Variants in PITPNC1 observed in about 807,000 individuals in gnomAD.
The protein encoded by PITPNC1 is cytoplasmic phosphatidylinositol transfer protein 1.
A neutral mutation model predicts 44.7 loss-of-function variants in PITPNC1; 18 were observed. That is an observed-to-expected ratio of 0.40 (90% CI 0.28 to 0.60). PITPNC1 has a LOEUF of 0.60. PITPNC1 is among the 20% of genes least tolerant of loss of function. The pLI is 0.39. For synonymous variants in PITPNC1, 141 were observed against 149.6 expected (o/e 0.94, Z 0.42); for missense variants, 290 against 418.4 (o/e 0.69, Z 2.68).
Position 67,666,793 on chromosome 17 carries a change from A to C in PITPNC1, c.463-2715A>C, listed in dbSNP as rs1018853119. 3.3e-5 allele frequency among the ~76,000 whole-genome samples: 5 copies of C among 152,188 alleles called. No homozygotes were observed. The South Asian group carries it at 1.0e-3, about 31-fold the overall frequency. Reference sequence around the variant, plus strand: ...TTGTGGAAGTGGTCACCATAGCAAAAAGGTCCTAACAGAGGAGGCAGATCT... The same window carrying C: ...TTGTGGAAGTGGTCACCATAGCAAACAGGTCCTAACAGAGGAGGCAGATCT... On this transcript the variant is annotated intron_variant, in intron 6 of 8. Transcript: ENST00000581322.
At chr17:67,444,544 CTT>C (rs889046023) in intron 1 of PITPNC1, among the ~76,000 whole-genome samples, 1 of 152,070 alleles carries the variant, frequency 6.6e-6, no homozygotes, top group African/African-American at 2.4e-5. Context: ...AAGGAAAAAA[CTT>C]TGCCTTTGTC....
At chr17:67,654,514 G>A (rs759233609) in intron 6 of PITPNC1, among the ~76,000 whole-genome samples, 12 of 152,332 alleles carry the variant, frequency 7.9e-5, no homozygotes, top group Non-Finnish European at 1.3e-4. Context: ...GGGCATCCTT[G>A]TATCATGTGC....
chr17:67,595,280 G>C (rs1414776673), intron 5 of PITPNC1, among the ~76,000 whole-genome samples: 1 of 152,082 alleles, frequency 6.6e-6, no homozygotes, highest in Non-Finnish European at 1.5e-5. Context: ...GGCACTGGCT[G>C]GCTTCCTAAT....
chr17:67,536,290 C>T (rs1435240891), intron 2 of PITPNC1, among the ~76,000 whole-genome samples: 1 of 152,110 alleles, frequency 6.6e-6, no homozygotes, highest in African/African-American at 2.4e-5. Flanking sequence ...TTTTTTGAGA[C>T]AGCCAGCTCC....
intron 1 of PITPNC1, among the ~76,000 whole-genome samples, chr17:67,448,648 T>G (rs1474366893): frequency 1.3e-5 from 2 of 152,240 alleles, no homozygotes; most frequent in East Asian, 3.8e-4. Flanking sequence ...CAGAGTCCAG[T>G]GCTTCCAGTC....
At chr17:67,471,321 C>G (rs374046156) in intron 1 of PITPNC1, among the ~76,000 whole-genome samples, 1 of 150,686 alleles carries the variant, frequency 6.6e-6, no homozygotes, top group African/African-American at 2.4e-5. Flanking sequence ...GTAGCATTCC[C>G]CTGAATGGAT....
intron 1 of PITPNC1, among the ~76,000 whole-genome samples, chr17:67,450,185 C>T (rs2039155407): frequency 6.6e-6 from 1 of 152,142 alleles, no homozygotes; most frequent in African/African-American, 2.4e-5. Context: ...ATGAATCTTG[C>T]AGTATTTTTC....
intron 1 of PITPNC1, among the ~76,000 whole-genome samples, chr17:67,450,699 A>G (rs1040618263): frequency 6.6e-6 from 1 of 152,182 alleles, no homozygotes; most frequent in Non-Finnish European, 1.5e-5. Context: ...AGTGCTGGGA[A>G]GGTGTGAGCC....
chr17:67,516,512 A>G (rs1271158935), intron 1 of PITPNC1, among the ~76,000 whole-genome samples: 1 of 152,242 alleles, frequency 6.6e-6, no homozygotes. Flanking sequence ...GGCAGCTTTT[A>G]AGATGACTCT....
At chr17:67,455,461 C>T (rs927404002) in intron 1 of PITPNC1, among the ~76,000 whole-genome samples, 2 of 152,144 alleles carry the variant, frequency 1.3e-5, no homozygotes, top group Admixed American at 6.5e-5. Flanking sequence ...GAGACAGACT[C>T]TCGCTCTGGA....
At chr17:67,603,412 C>T (rs1392856951) in intron 5 of PITPNC1, among the ~76,000 whole-genome samples, 1 of 152,214 alleles carries the variant, frequency 6.6e-6, no homozygotes, top group Non-Finnish European at 1.5e-5. Flanking sequence ...ATGAGCCCAG[C>T]ATCTTGCCAA....
At chr17:67,624,197 TTTTC>T (rs2041867027) in intron 5 of PITPNC1, among the ~76,000 whole-genome samples, 2 of 147,352 alleles carry the variant, frequency 1.4e-5, no homozygotes, top group Non-Finnish European at 3.0e-5. Context: ...ATTATTTTCT[TTTTC>T]TTTCTTTCTT....
Position 67,693,790 on chromosome 17 carries a change from C to G in PITPNC1, c.*902C>G, listed in dbSNP as rs2042968247. 1 of 152,198 alleles carries G rather than the reference C, an allele frequency of 6.6e-6. No individual in the cohort carries two copies. The highest frequency in any genetic ancestry group is 1.5e-5 in the Non-Finnish European group (1 of 68,046). 9.4% of individuals were successfully genotyped at this position (152,198 alleles called of 1,614,324 possible). A position where few individuals can be genotyped will look rare whatever the true frequency, so the allele number is the denominator to read the frequency against. ...CAAAGAAGTACAAGGGTAGAGTAAG[C>G]TAACTGGGCTTTAACATGGTCAGAA... On this transcript the variant is annotated 3_prime_UTR_variant, in exon 9 of 9. Transcript: ENST00000581322.
intron 1 of PITPNC1, among the ~76,000 whole-genome samples, chr17:67,448,998 C>A (rs557021833): frequency 2.0e-5 from 3 of 152,310 alleles, no homozygotes; most frequent in African/African-American, 7.2e-5. Context: ...AACTCCTGAC[C>A]TCAGGCAATC....
At chr17:67,392,162 C>T (rs2038147439) in intron 1 of PITPNC1, among the ~76,000 whole-genome samples, 1 of 152,114 alleles carries the variant, frequency 6.6e-6, no homozygotes, top group South Asian at 2.1e-4. Context: ...AACACACAAG[C>T]GATACCATCA....
intron 6 of PITPNC1, 115 bp from the exon 7 acceptor site, chr17:67,669,393 G>A (rs1049644728): frequency 2.7e-5 from 20 of 747,220 alleles, no homozygotes; most frequent in Non-Finnish European, 4.0e-5. Flanking sequence ...TGGGATTACA[G>A]GCGTGAGCCA....
intron 5 of PITPNC1, among the ~76,000 whole-genome samples, chr17:67,588,908 G>A (rs746062291): frequency 6.6e-6 from 1 of 152,140 alleles, no homozygotes; most frequent in South Asian, 2.1e-4. Flanking sequence ...ATTTTTAGAC[G>A]TGATCTCTGA....
rs35597011 is a variant in PITPNC1 at position 67,406,591 on chromosome 17, G to GTTT, written c.48+28400_48+28402dup. ...CTTAATTATGTATATATTATATATAGTTTTTTTTTTTTTGAGATAAAGTCT... is the reference window on the plus strand; with the variant it reads ...CTTAATTATGTATATATTATATATAGTTTTTTTTTTTTTTTTGAGATAAAGTCT... On this transcript the variant is annotated intron_variant, in intron 1 of 8. Coordinates refer to ENST00000581322, the MANE Select transcript of PITPNC1 (RefSeq NM_012417.4). 3.4e-3 allele frequency among the ~76,000 whole-genome samples: 497 copies of GTTT among 144,760 alleles called. 2 individuals are homozygous for GTTT. Among genetic ancestry groups the GTTT allele is most frequent in the African/African-American group, 9.5e-3 (374 of 39,502 alleles). The allele number at this position is 144,760 out of a possible 152,430, so 95.0% of individuals were successfully genotyped here.
intron 5 of PITPNC1, among the ~76,000 whole-genome samples, chr17:67,603,684 C>G (rs1373269165): frequency 1.3e-5 from 2 of 152,188 alleles, no homozygotes; most frequent in East Asian, 3.8e-4. Context: ...AATCCCAACA[C>G]TTTGGGAGGC....
Sources: gnomAD v4.1 joint callset for allele counts (sites outside exome capture counted in the v4.1 genomes callset) on GRCh38, gnomAD v4.1.1 for gene constraint, MANE v1.5 for transcripts, NCBI Gene and HGNC (gene_info 2026-07-23, HGNC 2026-07-21) for gene names.